The following MDM1 variants were observed in gnomAD, a reference collection of about 807,000 sequenced individuals.
MDM1 encodes the protein stabilizer of axonemal microtubules 6.
A neutral mutation model predicts 89.1 loss-of-function variants in MDM1; 61 were observed. The ratio of observed to expected loss-of-function variants is 0.68; its 90% CI spans 0.56 to 0.85. The LOEUF is 0.85. Among genes scored for constraint, MDM1 ranks in the 40% least tolerant of loss-of-function variants. MDM1 has a pLI of 0.00. For missense variants in MDM1, 820 were observed against 846.5 expected, an observed-to-expected ratio of 0.97 and a Z score of 0.39; for synonymous variants, 290 against 294.1, an observed-to-expected ratio of 0.99 and a Z score of 0.14.
chr12:68,301,861 A>AT (rs1872210517), intron 13 of MDM1, among the ~76,000 whole-genome samples: 2 of 151,960 alleles, frequency 1.3e-5, no homozygotes, highest in South Asian at 4.1e-4. Flanking sequence ...TTTTTGTAAC[A>AT]GAGACAGGGT....
intron 2 of MDM1, among the ~76,000 whole-genome samples, chr12:68,330,107 C>A (rs2071947668): frequency 6.6e-6 from 1 of 152,150 alleles, no homozygotes; most frequent in Non-Finnish European, 1.5e-5. Context: ...AAGCATTTTC[C>A]CTCCAATCCA....
chr12:68,332,068 C>T (rs1876911244), intron 1 of MDM1, 160 bp downstream of exon 1: 1 of 896,094 alleles, frequency 1.1e-6, no homozygotes, highest in Non-Finnish European at 1.8e-6. Flanking sequence ...GGTTAAGAGG[C>T]GGCGGGCAGA....
At chr12:68,329,568 C>T (rs1195987041) in intron 2 of MDM1, among the ~76,000 whole-genome samples, 1 of 152,190 alleles carries the variant, frequency 6.6e-6, no homozygotes, top group African/African-American at 2.4e-5. Context: ...CCTAAAATCT[C>T]ACTTGGTGAA....
At chr12:68,303,252 GTA>G (rs1444640085) in intron 12 of MDM1, among the ~76,000 whole-genome samples, 2 of 152,042 alleles carry the variant, frequency 1.3e-5, no homozygotes, top group Non-Finnish European at 1.5e-5. Flanking sequence ...AACAGCAAAC[GTA>G]TTCTTCCTTA....
chr12:68,299,594 T>C (rs1871876663), intron 13 of MDM1, among the ~76,000 whole-genome samples: 1 of 151,770 alleles, frequency 6.6e-6, no homozygotes. Context: ...ATTTCAGAGC[T>C]CAAAGACAAG....
At chr12:68,322,406 G>A (rs1481181691) in intron 5 of MDM1, among the ~76,000 whole-genome samples, 1 of 152,208 alleles carries the variant, frequency 6.6e-6, no homozygotes, top group East Asian at 1.9e-4. Flanking sequence ...GCCAAGGTAG[G>A]CGGATCACCT....
rs569421668 is a variant in MDM1 at position 68,295,033 on chromosome 12, A to G, written c.*221T>C. The G allele has an allele frequency of 1.3e-4, 39 of 295,292 alleles. No homozygotes were observed. Among genetic ancestry groups the G allele is most frequent in the Non-Finnish European group, 2.1e-4 (33 of 156,628 alleles). The allele number at this position is 295,292 out of a possible 1,614,324, so 18.3% of individuals were successfully genotyped here. A position where few individuals can be genotyped will look rare whatever the true frequency, so the allele number is the denominator to read the frequency against. On this transcript the variant is annotated 3_prime_UTR_variant, in exon 15 of 15. Coordinates refer to ENST00000682720, the MANE Select transcript of MDM1 (RefSeq NM_001354969.2). ...AAAGTTACATGTGAAGAATTCAATA[A>G]TCTAGGTCTTTGTACTCTGGGATAG... is the stretch of plus-strand genomic sequence containing the variant.
rs771749892 is a variant in MDM1, at chr12:68,302,725, T to C, written c.1897A>G (p.Thr633Ala). Residue 633 changes from threonine (T) to alanine (A), a missense_variant, in exon 13 of 15, where the codon ACA becomes GCA. Thr to Ala is a moderately conservative substitution (Grantham distance 58). Coordinates refer to ENST00000682720, the MANE Select transcript of MDM1 (RefSeq NM_001354969.2). ...LPVSKIPKYP[T>A]NPPGQLPSPP... ...GAAGGCAACTGTCCAGGGGGATTTGTTGGGTATTTTGGAATTTTTGAAACT... is the reference window on the plus strand; with the variant it reads ...GAAGGCAACTGTCCAGGGGGATTTGCTGGGTATTTTGGAATTTTTGAAACT... 14 of 1,613,764 alleles carry C rather than the reference T, an allele frequency of 8.7e-6. No individual in the cohort carries two copies. The highest frequency in any genetic ancestry group is 6.6e-5 in the South Asian group (6 of 91,080).
chr12:68,321,326 A>C (rs1222267498), intron 7 of MDM1, 21 bp downstream of exon 7: 3 of 1,586,314 alleles, frequency 1.9e-6, no homozygotes, highest in Non-Finnish European at 2.6e-6. Flanking sequence ...ATGTAGGCTT[A>C]TTGAGGTCAT....
Position 68,326,900 on chromosome 12 carries a change from T to C in MDM1, c.255A>G (p.Glu85=). 6.2e-7 allele frequency: 1 copy of C among 1,614,168 alleles called. No homozygotes were observed. Reference sequence around the variant, plus strand: ...ATTTTGGTGTTTCCGGGGCTTCTGGTTCTGGTGATGCAACCACATTGCTCT... The same window carrying C: ...ATTTTGGTGTTTCCGGGGCTTCTGGCTCTGGTGATGCAACCACATTGCTCT... ...ISESNVVASP[E]PEAPETPKSQ... is the part of the protein sequence containing the mutation. The change falls in exon 3 of 15, where the codon GAA becomes GAG. Residue 85 remains glutamate, a synonymous_variant. Transcript: ENST00000682720.
intron 12 of MDM1, among the ~76,000 whole-genome samples, chr12:68,309,742 C>T (rs1592960984): frequency 6.6e-6 from 1 of 152,062 alleles, no homozygotes; most frequent in African/African-American, 2.4e-5. Context: ...ATAATAATAA[C>T]GTAATTTCTT....
chr12:68,321,172 T>TAA (rs11443071), intron 7 of MDM1, 175 bp downstream of exon 7: 1,337 of 403,004 alleles, frequency 3.3e-3, no homozygotes, highest in South Asian at 5.3e-3. Context: ...CCAGTGGCAT[T>TAA]AAAAAAAATG....
Position 68,315,156 on chromosome 12 carries a change from C to T in MDM1, c.1321G>A (p.Val441Met), listed in dbSNP as rs1247174940. The T allele has an allele frequency of 6.2e-7, 1 of 1,614,082 alleles. No individual in the cohort carries two copies. Among genetic ancestry groups the T allele is most frequent in the Non-Finnish European group, 8.5e-7 (1 of 1,180,040 alleles). ...PQKNTTEKLG[V>M]SAPTIPVRRR... ...CTAACGGGTATGGTGGGAGCTGACA[C>T]ACCCAATTTCTCCGTGGTATTTTTC... The change falls in exon 10 of 15, where the codon GTG becomes ATG. Residue 441 changes from valine to methionine, a missense_variant. Coordinates refer to ENST00000682720, the MANE Select transcript of MDM1 (RefSeq NM_001354969.2).
At position 68,326,865 on chromosome 12, in the gene MDM1, G is replaced by T; in HGVS notation, c.290C>A (p.Ala97Glu). 1 of 1,613,926 alleles carries T rather than the reference G, an allele frequency of 6.2e-7. No individual in the cohort carries two copies. Among genetic ancestry groups the T allele is most frequent in the Non-Finnish European group, 8.5e-7 (1 of 1,179,886 alleles). ...EAPETPKSQE[A>E]EQKDVTQERV... ...TTCTTGAGTAACATCCTTTTGTTCT[G>T]CTTCTTGTGATTTTGGTGTTTCCGG... The change falls in exon 3 of 15, where the codon GCA becomes GAA. Residue 97 changes from alanine (A) to glutamate (E), a missense_variant. Ala to Glu is a moderately radical substitution (Grantham distance 107). Transcript: ENST00000682720.
At chr12:68,296,784 C>A (rs1871452095) in intron 14 of MDM1, 139 bp downstream of exon 14, 3 of 503,636 alleles carry the variant, frequency 6.0e-6, no homozygotes, top group Non-Finnish European at 9.9e-6. Context: ...TAATTTCACT[C>A]CCCCTCACAG....
intron 5 of MDM1, among the ~76,000 whole-genome samples, chr12:68,322,083 A>G (rs1242163695): frequency 1.3e-5 from 2 of 152,194 alleles, no homozygotes; most frequent in African/African-American, 2.4e-5. Context: ...GTGTGTATAC[A>G]TCATTTTACT....
intron 2 of MDM1, among the ~76,000 whole-genome samples, chr12:68,329,102 T>C (rs940977314): frequency 1.3e-5 from 2 of 152,242 alleles, no homozygotes; most frequent in Non-Finnish European, 2.9e-5. Context: ...CAGGGTGGGA[T>C]ATCTATGCTT....
Position 68,316,421 on chromosome 12 carries a change from ACAAT to A in MDM1, c.1035+156_1035+159del, listed in dbSNP as rs1043220996. 5.3e-6 allele frequency: 5 copies of A among 943,076 alleles called. No homozygotes were observed. In the African/African-American group the frequency reaches 8.3e-5, roughly 16 times the overall value. 58.4% of individuals were successfully genotyped at this position (943,076 alleles called of 1,614,324 possible). A position where few individuals can be genotyped will look rare whatever the true frequency, so the allele number is the denominator to read the frequency against. On this transcript the variant is annotated intron_variant, in intron 8 of 14. Coordinates refer to ENST00000682720, the MANE Select transcript of MDM1 (RefSeq NM_001354969.2). ...ACTGTGCATTTAAGCAAAAACTAAA[ACAAT>A]CAAGCTAAAGCATGATGCAGTTATT...
At chr12:68,304,503 T>C (rs1053229134) in intron 12 of MDM1, among the ~76,000 whole-genome samples, 4 of 152,214 alleles carry the variant, frequency 2.6e-5, no homozygotes, top group African/African-American at 9.6e-5. Flanking sequence ...ATATGAAGGA[T>C]AAAACCACAA....
Sources: gnomAD v4.1 joint callset for allele counts (sites outside exome capture counted in the v4.1 genomes callset) on GRCh38, gnomAD v4.1.1 for gene constraint, MANE v1.5 for transcripts, NCBI Gene and HGNC (gene_info 2026-07-23, HGNC 2026-07-21) for gene names.